PDE7A: variants seen among roughly 807,000 people sequenced by gnomAD.
PDE7A encodes the protein phosphodiesterase 7A.
Under a neutral mutation model 64.3 loss-of-function variants are expected in PDE7A, and 39 were observed. That is an observed-to-expected ratio of 0.61 (90% CI 0.47 to 0.79). PDE7A has a LOEUF of 0.79. Among genes scored for constraint, PDE7A ranks in the 30% least tolerant of loss-of-function variants. The probability of loss-of-function intolerance (pLI) is 0.00; values close to 1 mark genes in which losing one functional copy is unlikely to be tolerated. For missense variants in PDE7A, 470 were observed against 582.8 expected, an observed-to-expected ratio of 0.81 and a Z score of 1.99; for synonymous variants, 203 against 206.8, an observed-to-expected ratio of 0.98 and a Z score of 0.16.
chr8:65,789,046 G>A, intron 1 of PDE7A: 3 of 1,510,168 alleles, frequency 2.0e-6, no homozygotes, highest in East Asian at 2.3e-5. Context: ...CAAAAGAGAG[G>A]GGACACTGAC....
At chr8:65,725,846 T>G (rs935609123) in intron 9 of PDE7A, among the ~76,000 whole-genome samples, 1 of 152,184 alleles carries the variant, frequency 6.6e-6, no homozygotes, top group African/African-American at 2.4e-5. Flanking sequence ...GAAGCAAACA[T>G]TTTAATCTGT....
At chr8:65,769,247 C>CAA (rs61554087) in intron 3 of PDE7A, among the ~76,000 whole-genome samples, 1,024 of 74,170 alleles carry the variant, frequency 0.014, 30 homozygotes, top group African/African-American at 0.046. Flanking sequence ...GACTCAGTCT[C>CAA]AAAAAAAAAA....
intron 1 of PDE7A, among the ~76,000 whole-genome samples, chr8:65,817,437 A>G (rs1021129778): frequency 3.5e-5 from 5 of 143,766 alleles, no homozygotes; most frequent in Non-Finnish European, 7.5e-5. Flanking sequence ...TGGTGCAACA[A>G]AACAAAAATA....
chr8:65,772,931 C>G (rs545715274), intron 3 of PDE7A, among the ~76,000 whole-genome samples: 6 of 152,226 alleles, frequency 3.9e-5, no homozygotes, highest in African/African-American at 1.4e-4. Flanking sequence ...TCACTTGAAC[C>G]TGGGAGACGG....
At chr8:65,801,288 C>A (rs1404430075) in intron 1 of PDE7A, among the ~76,000 whole-genome samples, 1 of 152,160 alleles carries the variant, frequency 6.6e-6, no homozygotes, top group African/African-American at 2.4e-5. Flanking sequence ...AAACACAACT[C>A]TACCACTGAA....
chr8:65,723,447 ATAATTT>A, intron 12 of PDE7A, 88 bp downstream of exon 12: 1 of 1,158,580 alleles, frequency 8.6e-7, no homozygotes, highest in Non-Finnish European at 1.1e-6. Flanking sequence ...AGAAATGAGC[ATAATTT>A]TAATATTTTA....
rs535607375 is a variant in PDE7A at position 65,825,435 on chromosome 8, G to C, written c.138+15936C>G. ...CATCAGCCTCCACACCAGCATAGCA[G>C]AGGAGCTTTAGTTAGAGAGAGATCT... On this transcript the variant is annotated intron_variant, in intron 1 of 12. Transcript: ENST00000401827. Among the ~76,000 whole-genome samples the C allele has an allele frequency of 9.2e-5, 14 of 152,318 alleles. No individual in the cohort carries two copies. In the East Asian group the frequency reaches 2.7e-3, roughly 29 times the overall value.
rs376045290 is a variant in PDE7A at position 65,716,148 on chromosome 8, C to CAA, written c.*3140_*3141dup. ...CCTAGTTAGCAGCGAGACCCTGTCT[C>CAA]AAAAAAAAAAAAAAACAAAAGGGCT... On this transcript the variant is annotated 3_prime_UTR_variant, in exon 13 of 13. Transcript: ENST00000401827. Among the ~76,000 whole-genome samples, 3,864 of 88,462 alleles carry CAA rather than the reference C, an allele frequency of 0.044. 61 individuals carry two copies. Among genetic ancestry groups the CAA allele is most frequent in the African/African-American group, 0.058 (1,382 of 23,678 alleles). 58.0% of individuals were successfully genotyped at this position (88,462 alleles called of 152,430 possible).
intron 3 of PDE7A, among the ~76,000 whole-genome samples, chr8:65,762,966 A>G (rs554845924): frequency 6.7e-6 from 1 of 149,758 alleles, no homozygotes; most frequent in Non-Finnish European, 1.5e-5. Flanking sequence ...GTGAGCCTCC[A>G]TCTCTTTATA....
chr8:65,826,657 T>C lies in PDE7A; in HGVS notation c.138+14714A>G, dbSNP rs1322415141. Among the ~76,000 whole-genome samples the C allele has an allele frequency of 2.6e-5, 4 of 152,314 alleles. No homozygotes were observed. The East Asian group carries it at 7.7e-4, about 29-fold the overall frequency. On this transcript the variant is annotated intron_variant, in intron 1 of 12. Transcript: ENST00000401827. The stretch of plus-strand genomic sequence containing the variant: ...CCTGGCATGTAAGTGCTCAGTAAAT[T>C]TGATTGAAAGAATGAACAAATAAAT...
chr8:65,789,060 C>T (rs1416822137), intron 1 of PDE7A: 34 of 1,457,446 alleles, frequency 2.3e-5, no homozygotes. Flanking sequence ...CACTGACTGC[C>T]TTGGACCTCA....
chr8:65,769,635 C>T (rs550259020), intron 3 of PDE7A, among the ~76,000 whole-genome samples: 1 of 152,194 alleles, frequency 6.6e-6, no homozygotes, highest in Non-Finnish European at 1.5e-5. Flanking sequence ...GTAGCTCATA[C>T]CTGTAATCCC....
intron 10 of PDE7A, 120 bp from the exon 11 acceptor site, chr8:65,724,471 TCTC>T (rs1411923938): frequency 3.2e-6 from 2 of 625,360 alleles, no homozygotes; most frequent in African/African-American, 3.7e-5. Context: ...GAAATATAAT[TCTC>T]CTATTTTTAG....
chr8:65,796,183 G>A (rs1035746908), intron 1 of PDE7A, among the ~76,000 whole-genome samples: 6 of 150,242 alleles, frequency 4.0e-5, no homozygotes, highest in African/African-American at 1.5e-4. Context: ...ACAACATCAA[G>A]CAGTGGAGTA....
intron 3 of PDE7A, among the ~76,000 whole-genome samples, chr8:65,775,201 C>T (rs544511656): frequency 6.6e-6 from 1 of 152,264 alleles, no homozygotes; most frequent in East Asian, 1.9e-4. Context: ...TAGCTAGCAA[C>T]TTATCTCTTT....
chr8:65,840,010 T>C (rs1292980859), intron 1 of PDE7A, among the ~76,000 whole-genome samples: 1 of 152,176 alleles, frequency 6.6e-6, no homozygotes, highest in Non-Finnish European at 1.5e-5. Context: ...GTAAAAAAAG[T>C]TACTACCATT....
chr8:65,787,703 A>G (rs1468435844), intron 1 of PDE7A, among the ~76,000 whole-genome samples: 1 of 151,990 alleles, frequency 6.6e-6, no homozygotes, highest in East Asian at 1.9e-4. Flanking sequence ...AGTTCTTTGG[A>G]AAGTTGAGGT....
At chr8:65,817,396 G>A (rs563622945) in intron 1 of PDE7A, among the ~76,000 whole-genome samples, 13 of 151,990 alleles carry the variant, frequency 8.6e-5, no homozygotes, top group East Asian at 1.9e-4. Flanking sequence ...ACATAACCAT[G>A]GTACGTTTAT....
At chr8:65,765,296 C>T (rs1399539202) in intron 3 of PDE7A, among the ~76,000 whole-genome samples, 5 of 150,782 alleles carry the variant, frequency 3.3e-5, no homozygotes, top group Admixed American at 6.6e-5. Flanking sequence ...GAGACCATCC[C>T]GGCTAAAACG....
Sources: gnomAD v4.1 joint callset for allele counts (sites outside exome capture counted in the v4.1 genomes callset) on GRCh38, gnomAD v4.1.1 for gene constraint, MANE v1.5 for transcripts, NCBI Gene and HGNC (gene_info 2026-07-23, HGNC 2026-07-21) for gene names.